Variants in VAV2 observed in about 807,000 individuals in gnomAD.
VAV2 encodes the protein vav guanine nucleotide exchange factor 2, also known as guanine nucleotide exchange factor VAV2.
VAV2 carries 67 observed loss-of-function variants against 132.5 expected under a neutral mutation model. The ratio of observed to expected loss-of-function variants is 0.51; its 90% CI spans 0.42 to 0.62. The LOEUF (loss-of-function observed/expected upper bound fraction) is 0.62, where lower values mean the gene tolerates loss of function less well. Among genes scored for constraint, VAV2 ranks in the 20% least tolerant of loss-of-function variants. The pLI is 0.00. For missense variants in VAV2, 938 were observed against 1,153.6 expected, an observed-to-expected ratio of 0.81 and a Z score of 2.71; for synonymous variants, 492 against 443.5, an observed-to-expected ratio of 1.11 and a Z score of -1.37.
chr9:133,833,067 C>A lies in VAV2; in HGVS notation c.449+1205G>T, dbSNP rs1015966767. On this transcript the variant is annotated intron_variant, in intron 4 of 29. Transcript: ENST00000371850. The surrounding 1 kb of genome is among the most constrained non-coding windows in gnomAD (Gnocchi z 5.6). ...GGCCAGTGGGATTTGCCAAGGACCC[C>A]GTGGCCAGCCCAGCATCAAAGGGAT... Among the ~76,000 whole-genome samples the A allele has an allele frequency of 1.3e-5, 2 of 152,142 alleles. No individual in the cohort carries two copies. Among genetic ancestry groups the A allele is most frequent in the Non-Finnish European group, 2.9e-5 (2 of 68,012 alleles).
At chr9:133,791,659 G>C (rs1834467352) in intron 13 of VAV2, 124 bp downstream of exon 13, 20 of 831,540 alleles carry the variant, frequency 2.4e-5, no homozygotes, top group Non-Finnish European at 3.6e-5. Context: ...CCGGGCACCA[G>C]CCTCTCAACA....
At chr9:133,808,571 C>T (rs1208336857) in intron 7 of VAV2, among the ~76,000 whole-genome samples, 1 of 152,186 alleles carries the variant, frequency 6.6e-6, no homozygotes, top group African/African-American at 2.4e-5. Flanking sequence ...AAGAGCTGGG[C>T]AAGGAGCTTG....
intron 3 of VAV2, among the ~76,000 whole-genome samples, chr9:133,836,913 C>T (rs138212184): frequency 2.6e-4 from 39 of 152,310 alleles, no homozygotes; most frequent in Middle Eastern, 3.4e-3. Context: ...TGAAGCCCAG[C>T]GCAGGGTTCT....
rs1840429523 is a variant in VAV2, at chr9:133,925,174, A to G, written c.321+13929T>C. ...AATCTGTTCGATGCTGCTGAAATGC[A>G]CACTTTAAAATGGTAACTCTTATGT... is the stretch of plus-strand genomic sequence containing the variant. On this transcript the variant is annotated intron_variant, in intron 2 of 29. Coordinates refer to ENST00000371850, the MANE Select transcript of VAV2 (RefSeq NM_001134398.2). Among the ~76,000 whole-genome samples, 4 of 152,228 alleles carry G rather than the reference A, an allele frequency of 2.6e-5. No homozygotes were observed. In the South Asian group the frequency reaches 8.3e-4, roughly 31 times the overall value.
chr9:133,912,263 G>A lies in VAV2; in HGVS notation c.321+26840C>T, dbSNP rs529766243. Among the ~76,000 whole-genome samples the A allele has an allele frequency of 1.3e-5, 2 of 152,218 alleles. No homozygotes were observed. Among genetic ancestry groups the A allele is most frequent in the South Asian group, 2.1e-4 (1 of 4,822 alleles). ...CAAAACAGACAAACCAGAAACCTAC[G>A]GCATCAGGACACCGTCACCGGAGGA... On this transcript the variant is annotated intron_variant, in intron 2 of 29. Coordinates refer to ENST00000371850, the MANE Select transcript of VAV2 (RefSeq NM_001134398.2). The surrounding 1 kb of genome is among the most constrained non-coding windows in gnomAD (Gnocchi z 4.3).
chr9:133,869,652 C>T (rs61034217), intron 2 of VAV2, among the ~76,000 whole-genome samples: 30,384 of 152,080 alleles, frequency 0.2, 4,091 homozygotes, highest in African/African-American at 0.39. Flanking sequence ...CCCTGAGCCA[C>T]ACTGGCGACC....
At chr9:133,813,979 T>C (rs551604840) in intron 4 of VAV2, among the ~76,000 whole-genome samples, 1 of 152,304 alleles carries the variant, frequency 6.6e-6, no homozygotes, top group South Asian at 2.1e-4. Context: ...GGCAGGGCTG[T>C]GGCCCTCGCT....
intron 3 of VAV2, among the ~76,000 whole-genome samples, chr9:133,851,919 GGA>G (rs1837199069): frequency 6.6e-6 from 1 of 150,508 alleles, no homozygotes; most frequent in Non-Finnish European, 1.5e-5. Flanking sequence ...GTGGATGGAT[GGA>G]TGGATGGATG....
intron 3 of VAV2, among the ~76,000 whole-genome samples, chr9:133,856,890 G>A (rs987747570): frequency 8.6e-5 from 13 of 152,032 alleles, no homozygotes; most frequent in African/African-American, 2.4e-4. Flanking sequence ...CCTTTTCCTC[G>A]TCACACTCTC....
At chr9:133,896,993 C>G (rs1253417258) in intron 2 of VAV2, among the ~76,000 whole-genome samples, 1 of 152,038 alleles carries the variant, frequency 6.6e-6, no homozygotes, top group African/African-American at 2.4e-5. Flanking sequence ...ACTCGGGAGG[C>G]TGAGGCAGGA....
At chr9:133,980,602 G>A (rs1290485519) in intron 1 of VAV2, among the ~76,000 whole-genome samples, 5 of 152,138 alleles carry the variant, frequency 3.3e-5, no homozygotes, top group African/African-American at 4.8e-5. Flanking sequence ...GCATCTCCCT[G>A]GGTCTCAGAC....
chr9:133,855,465 G>A (rs1588273414), intron 3 of VAV2, among the ~76,000 whole-genome samples: 2 of 152,346 alleles, frequency 1.3e-5, no homozygotes, highest in South Asian at 2.1e-4. Context: ...AAGGCACGGG[G>A]TTCCAGTGCT....
At chr9:133,836,877 C>T (rs1024893962) in intron 3 of VAV2, among the ~76,000 whole-genome samples, 5 of 152,230 alleles carry the variant, frequency 3.3e-5, no homozygotes, top group African/African-American at 1.2e-4. Flanking sequence ...GCAGACATCA[C>T]TCACCAATCA....
In VAV2 at chr9:133,769,108, A is replaced by G. The variant is rs140457905; in HGVS notation, c.2434+309T>C. On this transcript the variant is annotated intron_variant, in intron 28 of 29. Coordinates refer to ENST00000371850, the MANE Select transcript of VAV2 (RefSeq NM_001134398.2). This position sits in a 1 kb window ranked among gnomAD's most constrained non-coding sequence, Gnocchi z 8.1. ...TCGTGGCCACCTGCTTTCTGCTACCAGAGGCAAAGCTCTTGATGAACAAGG... is the reference window on the plus strand; with the variant it reads ...TCGTGGCCACCTGCTTTCTGCTACCGGAGGCAAAGCTCTTGATGAACAAGG... Among the ~76,000 whole-genome samples, 4 of 152,346 alleles carry G rather than the reference A, an allele frequency of 2.6e-5. No individual in the cohort carries two copies. Among genetic ancestry groups the G allele is most frequent in the African/African-American group, 9.6e-5 (4 of 41,578 alleles).
Position 133,810,218 on chromosome 9 carries a change from AGAAAGAACC to A in VAV2, c.553-22_553-14del. 3 of 1,613,352 alleles carry A rather than the reference AGAAAGAACC, an allele frequency of 1.9e-6. No individual in the cohort carries two copies. The highest frequency in any genetic ancestry group is 2.5e-6 in the Non-Finnish European group (3 of 1,179,834). The stretch of plus-strand genomic sequence containing the variant: ...GCATGTATCTAATCTGCAAGCGTGG[AGAAAGAACC>A]AGAAACAGCGCCGGTTAGCAGGGCC... On this transcript the variant is annotated splice_polypyrimidine_tract_variant and intron_variant, in intron 5 of 29. Transcript: ENST00000371850.
chr9:133,975,275 C>T (rs1204798888), intron 1 of VAV2, among the ~76,000 whole-genome samples: 1 of 152,124 alleles, frequency 6.6e-6, no homozygotes, highest in Non-Finnish European at 1.5e-5. Flanking sequence ...CATATCCTCG[C>T]TCAGTGCTCA....
intron 25 of VAV2, among the ~76,000 whole-genome samples, chr9:133,773,703 T>C (rs1241210214): frequency 6.6e-6 from 1 of 152,202 alleles, no homozygotes; most frequent in East Asian, 1.9e-4. Context: ...TTCTAGAATG[T>C]CTCCTGAAGG....
At chr9:133,942,718 C>T (rs375618997) in intron 1 of VAV2, among the ~76,000 whole-genome samples, 42 of 152,342 alleles carry the variant, frequency 2.8e-4, no homozygotes, top group Non-Finnish European at 4.3e-4. Context: ...CCAGCGCACC[C>T]CTTTCCCATG....
At chr9:133,946,037 T>A (rs558622960) in intron 1 of VAV2, among the ~76,000 whole-genome samples, 1 of 152,168 alleles carries the variant, frequency 6.6e-6, no homozygotes, top group Non-Finnish European at 1.5e-5. Context: ...ACTGGGGAAG[T>A]CCAGAAGTCC....
Sources: gnomAD v4.1 joint callset for allele counts (sites outside exome capture counted in the v4.1 genomes callset) on GRCh38, gnomAD v4.1.1 for gene constraint, Gnocchi (gnomAD v3.1) non-coding constraint, MANE v1.5 for transcripts, NCBI Gene and HGNC (gene_info 2026-07-23, HGNC 2026-07-21) for gene names.